PTPRN2: variants seen among roughly 807,000 people sequenced by gnomAD.
The protein encoded by PTPRN2 is protein tyrosine phosphatase receptor type N2, also known as receptor-type tyrosine-protein phosphatase N2.
A neutral mutation model predicts 118.8 loss-of-function variants in PTPRN2; 74 were observed. The ratio of observed to expected loss-of-function variants is 0.62; its 90% confidence interval spans 0.52 to 0.76. The LOEUF (loss-of-function observed/expected upper bound fraction) is 0.76, where lower values mean the gene tolerates loss of function less well. Ranked by LOEUF, PTPRN2 falls within the 30% of genes least tolerant of loss-of-function variation. PTPRN2 has a pLI of 0.00. For missense variants in PTPRN2, 1,481 were observed against 1,394.4 expected, an observed-to-expected ratio of 1.06 and a Z score of -0.99; for synonymous variants, 641 against 608.0, an observed-to-expected ratio of 1.05 and a Z score of -0.80.
chr7:158,148,557 C>A (rs1820460289), intron 6 of PTPRN2, among the ~76,000 whole-genome samples: 14 of 129,854 alleles, frequency 1.1e-4, no homozygotes, highest in African/African-American at 3.5e-4. Flanking sequence ...TCACTGACAC[C>A]CCATCTCACG....
chr7:157,988,553 G>T (rs1217907759), intron 11 of PTPRN2, among the ~76,000 whole-genome samples: 13 of 152,202 alleles, frequency 8.5e-5, no homozygotes, highest in Admixed American at 8.5e-4. Flanking sequence ...ATGAATCAGG[G>T]ACCCTTCTTA....
chr7:158,337,304 GCA>G (rs1372432976), intron 2 of PTPRN2, among the ~76,000 whole-genome samples: 2 of 137,892 alleles, frequency 1.5e-5, no homozygotes, highest in South Asian at 2.4e-4. Context: ...GAGCTGTCAC[GCA>G]CAGACATCAT....
At position 157,858,109 on chromosome 7, in the gene PTPRN2, G is replaced by A. The variant is rs1222625768; in HGVS notation, c.1788+40564C>T. ...CACCACCCACACTCCTGCAGGGAGAGCCTCCCAGCCACCACCCACACTCCT... is the reference window on the plus strand; with the variant it reads ...CACCACCCACACTCCTGCAGGGAGAACCTCCCAGCCACCACCCACACTCCT... On this transcript the variant is annotated intron_variant, in intron 12 of 22. Transcript: ENST00000389418. 7.3e-3 allele frequency among the ~76,000 whole-genome samples: 575 copies of A among 79,266 alleles called. 3 individuals carry two copies. Among genetic ancestry groups the A allele is most frequent in the African/African-American group, 8.7e-3 (166 of 19,114 alleles). 52.0% of individuals were successfully genotyped at this position (79,266 alleles called of 152,430 possible). A position where few individuals can be genotyped will look rare whatever the true frequency, so the allele number is the denominator to read the frequency against.
At chr7:158,370,204 G>A (rs187930527) in intron 2 of PTPRN2, among the ~76,000 whole-genome samples, 15 of 152,280 alleles carry the variant, frequency 9.9e-5, no homozygotes, top group African/African-American at 3.4e-4. Context: ...TAGGGAGGCC[G>A]AGGCACACCG....
chr7:158,334,133 CCAT>C (rs1322298722), intron 2 of PTPRN2, among the ~76,000 whole-genome samples: 1 of 27,572 alleles, frequency 3.6e-5, no homozygotes, highest in Non-Finnish European at 7.3e-5. Flanking sequence ...CACACTCTCA[CCAT>C]AAGAGGTGAC....
intron 15 of PTPRN2, among the ~76,000 whole-genome samples, chr7:157,608,774 G>A (rs1008848798): frequency 6.6e-6 from 1 of 152,184 alleles, no homozygotes; most frequent in African/African-American, 2.4e-5. Flanking sequence ...TGTGCTCGGG[G>A]AACTGAAGGC....
At chr7:157,775,520 G>A (rs935535659) in intron 12 of PTPRN2, among the ~76,000 whole-genome samples, 11 of 152,360 alleles carry the variant, frequency 7.2e-5, no homozygotes, top group Admixed American at 2.0e-4. Context: ...TCGATGCCTC[G>A]AGGAGAGGAG....
At chr7:157,979,843 C>G (rs955254631) in intron 11 of PTPRN2, among the ~76,000 whole-genome samples, 13 of 152,178 alleles carry the variant, frequency 8.5e-5, no homozygotes, top group Admixed American at 8.5e-4. Context: ...CCTGCTCAAT[C>G]GCAGCCCAGG....
At chr7:158,336,788 C>T (rs1311670980) in intron 2 of PTPRN2, among the ~76,000 whole-genome samples, 1 of 100,870 alleles carries the variant, frequency 9.9e-6, no homozygotes, top group Non-Finnish European at 2.2e-5. Context: ...CACCTGCAGA[C>T]GTCACTCACA....
intron 10 of PTPRN2, among the ~76,000 whole-genome samples, chr7:158,085,803 CATGCCCAT>C (rs1813345293): frequency 7.9e-6 from 1 of 127,178 alleles, no homozygotes; most frequent in Non-Finnish European, 1.7e-5. Flanking sequence ...CCCATCCACA[CATGCCCAT>C]CCACACCCAC....
intron 19 of PTPRN2, chr7:157,574,259 C>A: frequency 2.3e-6 from 1 of 438,080 alleles, no homozygotes. Flanking sequence ...CACCGTCATG[C>A]AAAGCACCAG....
intron 12 of PTPRN2, among the ~76,000 whole-genome samples, chr7:157,875,187 C>T (rs1584928973): frequency 1.3e-5 from 2 of 152,340 alleles, no homozygotes; most frequent in East Asian, 1.9e-4. Flanking sequence ...TCACTATTTT[C>T]GAAATGCTGA....
At chr7:157,855,404 C>G (rs56287355) in intron 12 of PTPRN2, among the ~76,000 whole-genome samples, 1 of 152,046 alleles carries the variant, frequency 6.6e-6, no homozygotes, top group Non-Finnish European at 1.5e-5. Context: ...TTCCAAACAA[C>G]AAACAAACCC....
intron 2 of PTPRN2, among the ~76,000 whole-genome samples, chr7:158,418,198 T>C (rs1463813333): frequency 1.3e-5 from 2 of 151,768 alleles, no homozygotes; most frequent in Non-Finnish European, 2.9e-5. Flanking sequence ...TGTCCTGCTG[T>C]GTTAAGTCAC....
chr7:158,536,307 TTGA>T (rs1470695929), intron 1 of PTPRN2, among the ~76,000 whole-genome samples: 1 of 152,202 alleles, frequency 6.6e-6, no homozygotes, highest in African/African-American at 2.4e-5. Flanking sequence ...TTTCATAAAC[TTGA>T]TGATGTTTTC....
rs905188513 is a variant in PTPRN2 at position 157,964,467 on chromosome 7, G to C, written c.1724-65730C>G. Among the ~76,000 whole-genome samples, 2 of 151,948 alleles carry C rather than the reference G, an allele frequency of 1.3e-5. No homozygotes were observed. The highest frequency in any genetic ancestry group is 6.6e-5 in the Admixed American group (1 of 15,266). ...AAAAAAAATCACCTGAATGAGTCAA[G>C]ACAGTTAAACTTGAGGGTGATTTGG... On this transcript the variant is annotated intron_variant, in intron 11 of 22. Transcript: ENST00000389418. This position sits in a 1 kb window ranked among gnomAD's most constrained non-coding sequence, Gnocchi z 9.0.
rs1245445065 is a variant in PTPRN2 at position 157,619,471 on chromosome 7, C to T, written c.2344+1891G>A. ...CTCTCTGAGGACAGTGGCCAGGCCC[C>T]CAGAGCCTGTTAGTAGCCCCCGACA... On this transcript the variant is annotated intron_variant, in intron 15 of 22. Transcript: ENST00000389418. This position sits in a 1 kb window ranked among gnomAD's most constrained non-coding sequence, Gnocchi z 5.3. Among the ~76,000 whole-genome samples, 3 of 152,176 alleles carry T rather than the reference C, an allele frequency of 2.0e-5. No homozygotes were observed. The highest frequency in any genetic ancestry group is 1.5e-5 in the Non-Finnish European group (1 of 68,044).
At chr7:158,369,905 G>A (rs1030653163) in intron 2 of PTPRN2, among the ~76,000 whole-genome samples, 2 of 152,222 alleles carry the variant, frequency 1.3e-5, no homozygotes, top group African/African-American at 4.8e-5. Context: ...CGACCTGACT[G>A]GGCGGCAGAC....
intron 9 of PTPRN2, among the ~76,000 whole-genome samples, chr7:158,129,384 C>T (rs1817979997): frequency 6.6e-6 from 1 of 151,130 alleles, no homozygotes; most frequent in Non-Finnish European, 1.5e-5. Flanking sequence ...AAACAACACA[C>T]ACCACACACT....
Sources: gnomAD v4.1 joint callset for allele counts (sites outside exome capture counted in the v4.1 genomes callset) on GRCh38, gnomAD v4.1.1 for gene constraint, Gnocchi (gnomAD v3.1) non-coding constraint, MANE v1.5 for transcripts, NCBI Gene and HGNC (gene_info 2026-07-23, HGNC 2026-07-21) for gene names.